The following GNPDA2 variants were observed in gnomAD, a reference collection of about 807,000 sequenced individuals.
GNPDA2 encodes glucosamine-6-phosphate deaminase 2.
GNPDA2 carries 24 observed loss-of-function variants against 27.0 expected under a neutral mutation model. The observed-to-expected ratio is 0.89, with a 90% confidence interval of 0.64 to 1.25. The LOEUF is 1.25. Ranked by LOEUF, GNPDA2 falls within the 50% of genes most tolerant of loss-of-function variation. GNPDA2 has a pLI of 0.00. For synonymous variants in GNPDA2, 94 were observed against 108.4 expected, an observed-to-expected ratio of 0.87 and a Z score of 0.83; for missense variants, 286 against 335.1, an observed-to-expected ratio of 0.85 and a Z score of 1.14.
Position 44,701,937 on chromosome 4 carries a change from A to G in GNPDA2, c.*1144T>C, listed in dbSNP as rs1716290304. The G allele has an allele frequency of 1.0e-6, 1 of 984,524 alleles. No homozygotes were observed. The highest frequency in any genetic ancestry group is 4.7e-5 in the South Asian group (1 of 21,268). 61.0% of individuals were successfully genotyped at this position (984,524 alleles called of 1,614,324 possible). On this transcript the variant is annotated 3_prime_UTR_variant, in exon 7 of 7. Transcript: ENST00000295448. The stretch of plus-strand genomic sequence containing the variant: ...CTACATTTTAATCACATAGACAAGC[A>G]GATAAGTAAGGCTTCTTCTACCAGG...
intron 5 of GNPDA2, 138 bp downstream of exon 5, chr4:44,710,815 T>C: frequency 1.6e-6 from 1 of 624,898 alleles, no homozygotes; most frequent in Non-Finnish European, 2.6e-6. Context: ...TGACAAAAGT[T>C]GGTTACTGAA....
rs965979206 is a variant in GNPDA2, at chr4:44,705,053, A to G, written c.770-1911T>C. ...TGAAATAAACTTGCATTTACTGACAATTTTTATTGTTTTGGATCTAGTTAA... is the reference window on the plus strand; with the variant it reads ...TGAAATAAACTTGCATTTACTGACAGTTTTTATTGTTTTGGATCTAGTTAA... On this transcript the variant is annotated intron_variant, in intron 6 of 6. Coordinates refer to ENST00000295448, the MANE Select transcript of GNPDA2 (RefSeq NM_138335.3). The G allele has an allele frequency of 2.2e-5, 22 of 983,728 alleles. No individual in the cohort carries two copies. In the African/African-American group the frequency reaches 3.7e-4, roughly 16 times the overall value. The allele number at this position is 983,728 out of a possible 1,614,324, so 60.9% of individuals were successfully genotyped here.
rs770135620 is a variant in GNPDA2 at position 44,702,446 on chromosome 4, A to G, written c.*635T>C. 216 of 976,492 alleles carry G rather than the reference A, an allele frequency of 2.2e-4. No homozygotes were observed. Among genetic ancestry groups the G allele is most frequent in the Non-Finnish European group, 2.6e-4 (210 of 821,672 alleles). 60.5% of individuals were successfully genotyped at this position (976,492 alleles called of 1,614,324 possible). A position where few individuals can be genotyped will look rare whatever the true frequency, so the allele number is the denominator to read the frequency against. ...AAATAAAAATAAGATATTTGTAAAA[A>G]AGTGCTATAGAAGAAGGTGCACAAA... On this transcript the variant is annotated 3_prime_UTR_variant, in exon 7 of 7. Transcript: ENST00000295448.
chr4:44,714,803 A>T, intron 4 of GNPDA2: 1 of 278,084 alleles, frequency 3.6e-6, no homozygotes, highest in South Asian at 1.4e-4. Context: ...AAAAGTTCAA[A>T]GAAAATGCAA....
intron 1 of GNPDA2, among the ~76,000 whole-genome samples, chr4:44,724,959 T>C (rs1325165876): frequency 6.6e-6 from 1 of 152,210 alleles, no homozygotes; most frequent in Non-Finnish European, 1.5e-5. Flanking sequence ...GAAAGAATTA[T>C]TGGCTGTAAT....
Position 44,707,828 on chromosome 4 carries a change from C to CT in GNPDA2, c.692dup (p.His232AlafsTer10). On this transcript the variant is annotated frameshift_variant, in exon 6 of 7. Coordinates refer to ENST00000295448, the MANE Select transcript of GNPDA2 (RefSeq NM_138335.3). LOFTEE classifies it high-confidence loss of function. ...CGCATACAAAAATAGTCCGGGGATG[C>CT]TGCTGGAAAGCGGAAACAGTCCACA... 1 of 1,613,356 alleles carries CT rather than the reference C, an allele frequency of 6.2e-7. No homozygotes were observed. The highest frequency in any genetic ancestry group is 8.5e-7 in the Non-Finnish European group (1 of 1,179,518).
In GNPDA2 at chr4:44,702,378, A is replaced by T; in HGVS notation, c.*703T>A. The stretch of plus-strand genomic sequence containing the variant: ...GTGGCTTGCTAGGTATAAAGCTCAT[A>T]ATTGTCAAGATACTTATATTAGGGA... On this transcript the variant is annotated 3_prime_UTR_variant, in exon 7 of 7. Coordinates refer to ENST00000295448, the MANE Select transcript of GNPDA2 (RefSeq NM_138335.3). 2.1e-6 allele frequency: 2 copies of T among 949,872 alleles called. No individual in the cohort carries two copies. Among genetic ancestry groups the T allele is most frequent in the Non-Finnish European group, 2.5e-6 (2 of 797,346 alleles). 58.8% of individuals were successfully genotyped at this position (949,872 alleles called of 1,614,324 possible). A position where few individuals can be genotyped will look rare whatever the true frequency, so the allele number is the denominator to read the frequency against.
chr4:44,711,494 C>CT (rs895059045), intron 4 of GNPDA2, among the ~76,000 whole-genome samples: 1 of 151,996 alleles, frequency 6.6e-6, no homozygotes, highest in African/African-American at 2.4e-5. Flanking sequence ...TTTCCTCCAC[C>CT]TTTTTTAACA....
At chr4:44,712,513 TTAAG>T (rs368691542) in intron 4 of GNPDA2, among the ~76,000 whole-genome samples, 23 of 136,138 alleles carry the variant, frequency 1.7e-4, no homozygotes, top group African/African-American at 4.6e-4. Flanking sequence ...GTTTCTACTA[TTAAG>T]TATGTATCTG....
Position 44,711,095 on chromosome 4 carries a change from G to A in GNPDA2, c.452C>T (p.Ser151Phe). The A allele has an allele frequency of 1.9e-6, 3 of 1,609,662 alleles. No homozygotes were observed. Among genetic ancestry groups the A allele is most frequent in the Non-Finnish European group, 2.5e-6 (3 of 1,178,448 alleles). The change falls in exon 5 of 7, where the codon TCC becomes TTC. Residue 151 changes from serine (S) to phenylalanine (F), a missense_variant. Transcript: ENST00000295448. Reference sequence around the variant, plus strand: ...TAATCTTGTCCTTGACACTAAACTGGATCCAGGCTCATTGAAAGCGATATG... The same window carrying A: ...TAATCTTGTCCTTGACACTAAACTGAATCCAGGCTCATTGAAAGCGATATG... The part of the protein sequence containing the change: ...DGHIAFNEPG[S>F]SLVSRTRLKT...
chr4:44,702,547 T>C lies in GNPDA2; in HGVS notation c.*534A>G, dbSNP rs1716342681. On this transcript the variant is annotated 3_prime_UTR_variant, in exon 7 of 7. Transcript: ENST00000295448. ...GCACTGTCATCTCTTCAAATTTCCT[T>C]TACCAATGATATATAGCACAATTTT... is the stretch of plus-strand genomic sequence containing the variant. The C allele has an allele frequency of 1.0e-6, 1 of 986,242 alleles. No homozygotes were observed. Among genetic ancestry groups the C allele is most frequent in the Non-Finnish European group, 1.2e-6 (1 of 830,334 alleles). The allele number at this position is 986,242 out of a possible 1,614,324, so 61.1% of individuals were successfully genotyped here.
intron 5 of GNPDA2, among the ~76,000 whole-genome samples, chr4:44,710,630 C>A (rs900024284): frequency 6.6e-6 from 1 of 152,186 alleles, no homozygotes; most frequent in African/African-American, 2.4e-5. Flanking sequence ...ATTGTCCCAA[C>A]AGTCCTGTCA....
At chr4:44,724,005 C>T (rs1717847284) in intron 1 of GNPDA2, among the ~76,000 whole-genome samples, 1 of 152,174 alleles carries the variant, frequency 6.6e-6, no homozygotes, top group Non-Finnish European at 1.5e-5. Context: ...ATCCAAGGCA[C>T]TTTCCCCTTC....
intron 6 of GNPDA2, chr4:44,703,358 C>T (rs1465941574): frequency 4.5e-6 from 6 of 1,332,180 alleles, no homozygotes; most frequent in East Asian, 3.0e-5. Flanking sequence ...TGTAACAGTG[C>T]AGATCTAGAA....
intron 5 of GNPDA2, among the ~76,000 whole-genome samples, chr4:44,708,660 A>G (rs1716767095): frequency 6.6e-6 from 1 of 151,942 alleles, no homozygotes; most frequent in African/African-American, 2.4e-5. Flanking sequence ...TTTCTTTATC[A>G]TGTTTAAGCT....
chr4:44,717,036 G>T lies in GNPDA2; in HGVS notation c.409+77C>A, dbSNP rs1717340224. ...AGGTGCTCTTTACATTACACAATGG[G>T]AAGATTTATTTTTTAAATTTAAAAA... On this transcript the variant is annotated intron_variant, in intron 4 of 6. Transcript: ENST00000295448. The T allele has an allele frequency of 3.9e-6, 4 of 1,024,388 alleles. No homozygotes were observed. In the South Asian group the frequency reaches 4.6e-5, roughly 12 times the overall value. 63.5% of individuals were successfully genotyped at this position (1,024,388 alleles called of 1,614,324 possible).
chr4:44,722,352 A>T (rs559974300), intron 1 of GNPDA2, 110 bp from the exon 2 acceptor site: 7 of 751,786 alleles, frequency 9.3e-6, no homozygotes, highest in Admixed American at 3.2e-5. Flanking sequence ...GAATATACTG[A>T]TGATTTTTAA....
chr4:44,704,781 C>T lies in GNPDA2; in HGVS notation c.770-1639G>A, dbSNP rs376905710. 2.7e-5 allele frequency: 27 copies of T among 984,304 alleles called. No individual in the cohort carries two copies. In the African/African-American group the frequency reaches 3.8e-4, roughly 14 times the overall value. 61.0% of individuals were successfully genotyped at this position (984,304 alleles called of 1,614,324 possible). On this transcript the variant is annotated intron_variant, in intron 6 of 6. Coordinates refer to ENST00000295448, the MANE Select transcript of GNPDA2 (RefSeq NM_138335.3). ...TCTAACCAATGTCTATACAAAGTAA[C>T]TTTTATGGTTTTGACTCAAAATGAA...
chr4:44,708,002 T>C, intron 5 of GNPDA2, 76 bp from the exon 6 acceptor site: 1 of 978,024 alleles, frequency 1.0e-6, no homozygotes, highest in Non-Finnish European at 1.5e-6. Context: ...AAACGAGAAC[T>C]TAAGCACCAA....
Sources: allele counts gnomAD v4.1 joint callset (sites outside exome capture counted in the v4.1 genomes callset), GRCh38; gene constraint gnomAD v4.1.1; transcripts MANE v1.5; gene names NCBI Gene and HGNC (gene_info 2026-07-23, HGNC 2026-07-21).